Variants in PPARGC1A observed in about 807,000 individuals in gnomAD.
The protein encoded by PPARGC1A is peroxisome proliferator-activated receptor gamma coactivator 1-alpha.
A neutral mutation model predicts 88.7 loss-of-function variants in PPARGC1A; 25 were observed. That is an observed-to-expected ratio of 0.28 (90% CI 0.21 to 0.39). The LOEUF (loss-of-function observed/expected upper bound fraction) is 0.39. PPARGC1A is among the 10% of genes least tolerant of loss of function. The pLI is 1.00. For synonymous variants in PPARGC1A, 363 were observed against 355.6 expected, an observed-to-expected ratio of 1.02 and a Z score of -0.24; for missense variants, 880 against 968.7, an observed-to-expected ratio of 0.91 and a Z score of 1.22.
chr4:24,255,678 T>C, the PPARGC1A span, among the ~76,000 whole-genome samples: 2 of 152,216 alleles, frequency 1.3e-5, no homozygotes, highest in African/African-American at 4.8e-5. Context: ...TACTTGTGCA[T>C]GATCAAGAGG....
At chr4:23,895,244 G>A (rs760761054) in intron 1 of PPARGC1A, among the ~76,000 whole-genome samples, 4 of 147,658 alleles carry the variant, frequency 2.7e-5, no homozygotes, top group South Asian at 2.1e-4. Flanking sequence ...AGCTTTTCTC[G>A]ATCTTAGAGA....
At chr4:24,048,839 T>G in the PPARGC1A span, among the ~76,000 whole-genome samples, 1 of 152,146 alleles carries the variant, frequency 6.6e-6, no homozygotes. Context: ...CAACTATTAG[T>G]CAACTAATTT....
intron 2 of PPARGC1A, among the ~76,000 whole-genome samples, chr4:23,836,604 A>T (rs746016339): frequency 6.6e-6 from 1 of 152,178 alleles, no homozygotes; most frequent in Non-Finnish European, 1.5e-5. Context: ...ACAAAATGAG[A>T]AGGTTTATCT....
the PPARGC1A span, among the ~76,000 whole-genome samples, chr4:24,127,592 T>G: frequency 5.9e-5 from 9 of 152,064 alleles, no homozygotes; most frequent in East Asian, 7.8e-4. Flanking sequence ...GTATTATATA[T>G]AGAGATAGAG....
the PPARGC1A span, among the ~76,000 whole-genome samples, chr4:24,047,416 A>G: frequency 6.6e-6 from 1 of 152,232 alleles, no homozygotes; most frequent in Admixed American, 6.5e-5. Context: ...ATAAATGACA[A>G]TTCATAATTT....
At chr4:24,163,398 G>A in the PPARGC1A span, among the ~76,000 whole-genome samples, 53 of 151,902 alleles carry the variant, frequency 3.5e-4, no homozygotes, top group African/African-American at 1.1e-3. Context: ...CAGCCCTGTC[G>A]GGGTTCACCA....
At chr4:24,365,026 C>A in the PPARGC1A span, among the ~76,000 whole-genome samples, 1 of 151,954 alleles carries the variant, frequency 6.6e-6, no homozygotes. Context: ...TGTAACTTAC[C>A]CAGCATGACA....
At chr4:24,134,695 C>G in the PPARGC1A span, among the ~76,000 whole-genome samples, 1 of 152,164 alleles carries the variant, frequency 6.6e-6, no homozygotes, top group African/African-American at 2.4e-5. Flanking sequence ...CATCATTCTA[C>G]ATAATATTTT....
At chr4:24,416,375 T>G in the PPARGC1A span, among the ~76,000 whole-genome samples, 1 of 152,044 alleles carries the variant, frequency 6.6e-6, no homozygotes, top group African/African-American at 2.4e-5. Flanking sequence ...CTGTGCAAAA[T>G]GAATTTGCCA....
chr4:24,375,013 T>TAAA, the PPARGC1A span, among the ~76,000 whole-genome samples: 3,702 of 127,376 alleles, frequency 0.029, 187 homozygotes, highest in African/African-American at 0.099. Context: ...CCCCCCACCC[T>TAAA]AAAAAAAAAA....
chr4:24,228,673 AC>A, the PPARGC1A span, among the ~76,000 whole-genome samples: 1 of 152,140 alleles, frequency 6.6e-6, no homozygotes, highest in Non-Finnish European at 1.5e-5. Context: ...AAGAAAAAAA[AC>A]CCAGGTAGGG....
At chr4:23,837,999 G>GT (rs1726347154) in intron 2 of PPARGC1A, among the ~76,000 whole-genome samples, 2 of 152,118 alleles carry the variant, frequency 1.3e-5, no homozygotes, top group African/African-American at 2.4e-5. Context: ...AGAAAACTAA[G>GT]TTTTTTTCCT....
chr4:23,882,750 A>T (rs375432699), intron 2 of PPARGC1A: 1 of 152,206 alleles, frequency 6.6e-6, no homozygotes, highest in East Asian at 1.9e-4. Context: ...GGCATGGCAT[A>T]TATTAAGCAC....
At chr4:24,132,917 T>C in the PPARGC1A span, among the ~76,000 whole-genome samples, 10 of 152,126 alleles carry the variant, frequency 6.6e-5, no homozygotes, top group South Asian at 1.7e-3. Flanking sequence ...TTAAAAACAT[T>C]CCTAACAGTT....
the PPARGC1A span, among the ~76,000 whole-genome samples, chr4:24,049,333 T>C: frequency 6.8e-6 from 1 of 147,138 alleles, no homozygotes; most frequent in East Asian, 2.0e-4. Flanking sequence ...TGTGTGTGTG[T>C]GTATATATAT....
At chr4:24,466,970 AAG>A in the PPARGC1A span, among the ~76,000 whole-genome samples, 532 of 95,862 alleles carry the variant, frequency 5.5e-3, 9 homozygotes, top group Middle Eastern at 0.023. Context: ...GAAAGAAAGA[AAG>A]AGAAAGAAAG....
the PPARGC1A span, among the ~76,000 whole-genome samples, chr4:24,324,104 A>G: frequency 6.6e-6 from 1 of 152,164 alleles, no homozygotes; most frequent in Non-Finnish European, 1.5e-5. Flanking sequence ...CTCTGTGATT[A>G]TACACCCACG....
At chr4:24,084,455 T>G in the PPARGC1A span, among the ~76,000 whole-genome samples, 2 of 152,286 alleles carry the variant, frequency 1.3e-5, no homozygotes, top group Non-Finnish European at 2.9e-5. Context: ...TTTCTCCACC[T>G]CCGGGGAGGA....
chr4:23,901,442 G>A (rs1719360377), upstream of PPARGC1A, among the ~76,000 whole-genome samples: 1 of 151,206 alleles, frequency 6.6e-6, no homozygotes, highest in Non-Finnish European at 1.5e-5. Context: ...TACTCGGGAG[G>A]CTGAGGCAGA....
Sources: gnomAD v4.1 joint callset for allele counts (sites outside exome capture counted in the v4.1 genomes callset) on GRCh38, gnomAD v4.1.1 for gene constraint, MANE v1.5 for transcripts, NCBI Gene and HGNC (gene_info 2026-07-23, HGNC 2026-07-21) for gene names.